Variants in WSCD2 observed in about 807,000 individuals in gnomAD.
WSCD2 encodes the protein WSC domain sialate O sulfotransferase 2.
WSCD2 carries 28 observed loss-of-function variants against 55.7 expected under a neutral mutation model. The observed-to-expected ratio is 0.50, with a 90% CI of 0.37 to 0.69. WSCD2 has a LOEUF of 0.69. Ranked by LOEUF, WSCD2 falls within the 30% of genes least tolerant of loss-of-function variation. The pLI is 0.00. For missense variants in WSCD2, 616 were observed against 762.1 expected, an observed-to-expected ratio of 0.81 and a Z score of 2.26; for synonymous variants, 301 against 301.9, an observed-to-expected ratio of 1.00 and a Z score of 0.03.
Position 108,227,004 on chromosome 12 carries a change from A to T in WSCD2, c.819A>T (p.Ala273=). 1.2e-6 allele frequency: 2 copies of T among 1,613,714 alleles called. No individual in the cohort carries two copies. The highest frequency in any genetic ancestry group is 1.7e-6 in the Non-Finnish European group (2 of 1,179,834). ...DFCTEKEYPL[A]ALAGTACHCG... ...TCCATCCCCAGGAGTACCCGCTGGC[A>T]GCTCTTGCAGGCACCGCCTGCCACT... is the stretch of plus-strand genomic sequence containing the variant. Residue 273 remains alanine (A), a synonymous_variant, in exon 6 of 9, where the codon GCA becomes GCT. Transcript: ENST00000547525.
chr12:108,160,944 T>C (rs1011384324), intron 1 of WSCD2, among the ~76,000 whole-genome samples: 1 of 152,172 alleles, frequency 6.6e-6, no homozygotes, highest in African/African-American at 2.4e-5. Context: ...GTTTCCTCAC[T>C]TATAAAGTGG....
chr12:108,172,777 G>A (rs1485642158), intron 1 of WSCD2, among the ~76,000 whole-genome samples: 1 of 152,160 alleles, frequency 6.6e-6, no homozygotes, highest in Non-Finnish European at 1.5e-5. Context: ...AGAGCTGTGA[G>A]AGAGTAAACT....
In WSCD2 at chr12:108,206,416, C is replaced by T. The variant is rs138376895; in HGVS notation, c.497+13C>T. 504 of 1,612,154 alleles carry T rather than the reference C, an allele frequency of 3.1e-4. No homozygotes were observed. In the African/African-American group the frequency reaches 5.9e-3, roughly 19 times the overall value. ...ACTGTGCTGAACGGTAGGGTCCCAG[C>T]ATCCCAGACTTGTCCATTTCAGGCC... On this transcript the variant is annotated intron_variant, in intron 3 of 8. Coordinates refer to ENST00000547525, the MANE Select transcript of WSCD2 (RefSeq NM_014653.4).
intron 1 of WSCD2, among the ~76,000 whole-genome samples, chr12:108,162,034 C>T (rs921020145): frequency 6.6e-6 from 1 of 152,188 alleles, no homozygotes; most frequent in African/African-American, 2.4e-5. Context: ...CACTGAGGCT[C>T]ACAGAGGGAA....
At chr12:108,141,933 C>T (rs1200602534) in intron 1 of WSCD2, among the ~76,000 whole-genome samples, 1 of 152,126 alleles carries the variant, frequency 6.6e-6, no homozygotes, top group African/African-American at 2.4e-5. Flanking sequence ...GAGATGGGAG[C>T]CTATTGAAAT....
intron 8 of WSCD2, among the ~76,000 whole-genome samples, chr12:108,244,894 A>G (rs950231930): frequency 1.3e-5 from 2 of 151,914 alleles, no homozygotes; most frequent in African/African-American, 4.8e-5. Context: ...GTACAAGTGC[A>G]GGTTTCTTAA....
At chr12:108,183,790 G>C (rs983845206) in intron 1 of WSCD2, among the ~76,000 whole-genome samples, 1 of 152,130 alleles carries the variant, frequency 6.6e-6, no homozygotes, top group Non-Finnish European at 1.5e-5. Context: ...AGGATTAAGG[G>C]TCTGGAGTCA....
chr12:108,151,229 G>T lies in WSCD2; in HGVS notation c.-552+21303G>T, dbSNP rs1877969224. Among the ~76,000 whole-genome samples, 5 of 152,170 alleles carry T rather than the reference G, an allele frequency of 3.3e-5. No homozygotes were observed. The South Asian group carries it at 1.0e-3, about 32-fold the overall frequency. ...GGTGAGATAATTTCTTTCTGCGGGT[G>T]TTGGGGGCTGCCCTGTGCATTGCAG... On this transcript the variant is annotated intron_variant, in intron 1 of 8. Coordinates refer to ENST00000547525, the MANE Select transcript of WSCD2 (RefSeq NM_014653.4).
intron 1 of WSCD2, among the ~76,000 whole-genome samples, chr12:108,171,186 G>T (rs1051802541): frequency 1.3e-5 from 2 of 152,198 alleles, no homozygotes; most frequent in African/African-American, 4.8e-5. Flanking sequence ...CTCTTAGGAA[G>T]ACCTCTCTGA....
chr12:108,248,024 G>T lies in WSCD2; in HGVS notation c.1379G>T (p.Trp460Leu). 1.9e-6 allele frequency: 3 copies of T among 1,614,106 alleles called. No individual in the cohort carries two copies. Among genetic ancestry groups the T allele is most frequent in the Non-Finnish European group, 2.5e-6 (3 of 1,179,946 alleles). The part of the protein sequence containing the change: ...WPEFVRNYAP[W>L]WATHTLDWLK... ...GAGTTCGTGAGGAACTATGCCCCGT[G>T]GTGGGCCACTCACACACTGGACTGG... The change falls in exon 9 of 9, where the codon TGG becomes TTG. Residue 460 changes from tryptophan to leucine, a missense_variant. Trp to Leu is a moderately conservative substitution (Grantham distance 61). This residue lies in a region of WSCD2 where 234 missense variants were observed against 264.6 expected (regional missense o/e 0.88). Coordinates refer to ENST00000547525, the MANE Select transcript of WSCD2 (RefSeq NM_014653.4). The surrounding 1 kb of genome is among the most constrained non-coding windows in gnomAD (Gnocchi z 4.3).
chr12:108,169,328 TC>T (rs978559116), intron 1 of WSCD2, among the ~76,000 whole-genome samples: 3 of 151,206 alleles, frequency 2.0e-5, no homozygotes, highest in Non-Finnish European at 4.4e-5. Flanking sequence ...CAGAAACCAA[TC>T]CCCCCCACCC....
intron 1 of WSCD2, among the ~76,000 whole-genome samples, chr12:108,176,842 C>T (rs1412440203): frequency 2.0e-5 from 3 of 151,854 alleles, no homozygotes; most frequent in African/African-American, 7.3e-5. Flanking sequence ...CATTCCAGTA[C>T]AATGTGTGTG....
chr12:108,206,670 G>C (rs774358314), intron 3 of WSCD2, among the ~76,000 whole-genome samples: 3 of 152,228 alleles, frequency 2.0e-5, no homozygotes, highest in Non-Finnish European at 4.4e-5. Context: ...TAGCATACAG[G>C]GTACAGGGTC....
At chr12:108,233,030 C>A in intron 7 of WSCD2, 135 bp downstream of exon 7, 1 of 1,211,082 alleles carries the variant, frequency 8.3e-7, no homozygotes, top group Non-Finnish European at 1.1e-6. Context: ...CTTTTTGAGA[C>A]TCACTGCATG....
At chr12:108,140,465 C>T (rs1045540377) in intron 1 of WSCD2, among the ~76,000 whole-genome samples, 3 of 152,172 alleles carry the variant, frequency 2.0e-5, no homozygotes, top group African/African-American at 7.2e-5. Flanking sequence ...GGGCCTCTCC[C>T]CATAATCCAT....
chr12:108,156,713 C>T (rs1197145072), intron 1 of WSCD2, among the ~76,000 whole-genome samples: 2 of 152,152 alleles, frequency 1.3e-5, no homozygotes, highest in Non-Finnish European at 2.9e-5. Context: ...AAGTCAAATT[C>T]GACTTGGAGT....
intron 1 of WSCD2, among the ~76,000 whole-genome samples, chr12:108,162,830 C>A (rs914139413): frequency 6.6e-6 from 1 of 152,176 alleles, no homozygotes; most frequent in African/African-American, 2.4e-5. Context: ...AGCAAAGTAC[C>A]CTGGACTTGG....
intron 1 of WSCD2, among the ~76,000 whole-genome samples, chr12:108,178,503 C>G (rs1439138060): frequency 6.6e-6 from 1 of 152,224 alleles, no homozygotes; most frequent in African/African-American, 2.4e-5. Context: ...TACTTTACCA[C>G]CTTCTCTCAG....
intron 1 of WSCD2, among the ~76,000 whole-genome samples, chr12:108,170,241 C>T (rs530907946): frequency 6.6e-6 from 1 of 152,138 alleles, no homozygotes; most frequent in East Asian, 1.9e-4. Flanking sequence ...TATTGCTTAG[C>T]TAAGTTAGGA....
Sources: gnomAD v4.1 joint callset for allele counts (sites outside exome capture counted in the v4.1 genomes callset) on GRCh38, gnomAD v4.1.1 for gene constraint, gnomAD v4.1.1 regional missense constraint, Gnocchi (gnomAD v3.1) non-coding constraint, MANE v1.5 for transcripts, NCBI Gene and HGNC (gene_info 2026-07-23, HGNC 2026-07-21) for gene names.